The following FKBP9 variants were observed in gnomAD, a reference collection of about 807,000 sequenced individuals.
FKBP9 encodes the protein peptidyl-prolyl cis-trans isomerase FKBP9.
FKBP9 carries 27 observed loss-of-function variants against 55.6 expected under a neutral mutation model. The ratio of observed to expected loss-of-function variants is 0.49; its 90% CI spans 0.36 to 0.67. The LOEUF is 0.67. FKBP9 is among the 30% of genes least tolerant of loss of function. The pLI, the probability that FKBP9 is intolerant of heterozygous loss-of-function variation, is 0.00. For missense variants in FKBP9, 539 were observed against 742.8 expected, an observed-to-expected ratio of 0.73 and a Z score of 3.19; for synonymous variants, 267 against 296.5, an observed-to-expected ratio of 0.90 and a Z score of 1.02.
chr7:32,968,027 T>C lies in FKBP9; in HGVS notation c.222-6590T>C, dbSNP rs534341758. Among the ~76,000 whole-genome samples the C allele has an allele frequency of 3.4e-4, 52 of 152,334 alleles. No homozygotes were observed. In the South Asian group the frequency reaches 0.011, roughly 32 times the overall value. On this transcript the variant is annotated intron_variant, in intron 1 of 9. Coordinates refer to ENST00000242209, the MANE Select transcript of FKBP9 (RefSeq NM_007270.5). ...ACCTCAGCCTCCCAAAGTGTTGGGATTACAGGCGTGAGCCACCGCGCCCAG... is the reference window on the plus strand; with the variant it reads ...ACCTCAGCCTCCCAAAGTGTTGGGACTACAGGCGTGAGCCACCGCGCCCAG...
intron 8 of FKBP9, among the ~76,000 whole-genome samples, chr7:33,001,429 G>A (rs1031061018): frequency 1.3e-5 from 2 of 152,000 alleles, no homozygotes; most frequent in African/African-American, 4.8e-5. Context: ...CAGCTACTTG[G>A]GAGGCTGAGG....
rs373112996 is a variant in FKBP9, at chr7:32,997,152, C to T, written c.1226+803C>T. ...TGGTGCTATCTCGGCTCACTGCAACCTCTGCCTTCCAGGTTCAAGTGATCC... is the reference window on the plus strand; with the variant it reads ...TGGTGCTATCTCGGCTCACTGCAACTTCTGCCTTCCAGGTTCAAGTGATCC... On this transcript the variant is annotated intron_variant, in intron 7 of 9. Transcript: ENST00000242209. Among the ~76,000 whole-genome samples, 39 of 152,144 alleles carry T rather than the reference C, an allele frequency of 2.6e-4. 1 individual carries two copies. The highest frequency in any genetic ancestry group is 9.2e-4 in the African/African-American group (38 of 41,496).
chr7:33,000,080 G>A (rs1209832548), intron 7 of FKBP9, 35 bp from the exon 8 acceptor site: 1 of 1,613,878 alleles, frequency 6.2e-7, no homozygotes, highest in African/African-American at 1.3e-5. Flanking sequence ...CAATGGGTTG[G>A]TGACCTAACA....
intron 1 of FKBP9, among the ~76,000 whole-genome samples, chr7:32,961,875 T>G (rs1225165667): frequency 1.3e-5 from 2 of 152,010 alleles, no homozygotes; most frequent in African/African-American, 4.8e-5. Context: ...GACCATCTAG[T>G]TGCAGGAAAA....
In FKBP9 at chr7:32,999,991, G is replaced by T. The variant is rs1291034012; in HGVS notation, c.1227-124G>T. On this transcript the variant is annotated intron_variant, in intron 7 of 9. Transcript: ENST00000242209. ...TTGTTTTTGTCTGATGTTTCCTCAT[G>T]ATTAGATAGGGATTTGCATTTCTTT... is the stretch of plus-strand genomic sequence containing the variant. 1.1e-5 allele frequency: 11 copies of T among 1,043,804 alleles called. No individual in the cohort carries two copies. In the Admixed American group the frequency reaches 2.1e-4, roughly 20 times the overall value. 64.7% of individuals were successfully genotyped at this position (1,043,804 alleles called of 1,614,324 possible).
At chr7:32,965,832 T>TATATGTGTGTACAC (rs1554284335) in intron 1 of FKBP9, among the ~76,000 whole-genome samples, 2 of 43,492 alleles carry the variant, frequency 4.6e-5, no homozygotes, top group Admixed American at 3.8e-4. Context: ...TATATATATA[T>TATATGTGTGTACAC]ATATATATAT....
At chr7:32,997,429 C>A (rs1476987513) in intron 7 of FKBP9, among the ~76,000 whole-genome samples, 1 of 151,946 alleles carries the variant, frequency 6.6e-6, no homozygotes, top group African/African-American at 2.4e-5. Context: ...GTTGCCCAGG[C>A]TGGTCTCGAA....
At chr7:32,996,723 TTTCC>T (rs1238646231) in intron 7 of FKBP9, among the ~76,000 whole-genome samples, 174 of 140,726 alleles carry the variant, frequency 1.2e-3, no homozygotes, top group African/African-American at 4.3e-3. Context: ...TCTCTCTTTT[TTTCC>T]TTCCTTCCTT....
At position 32,957,808 on chromosome 7, in the gene FKBP9, G is replaced by C. The variant is rs1783931533; in HGVS notation, c.221+14G>C. On this transcript the variant is annotated intron_variant, in intron 1 of 9. Transcript: ENST00000242209. Reference sequence around the variant, plus strand: ...GTTCGACTCCAGGTACCGCGCCCTTGGCGCCCGGCGCGGCCTCAGCGGATG... The same window carrying C: ...GTTCGACTCCAGGTACCGCGCCCTTCGCGCCCGGCGCGGCCTCAGCGGATG... 3 of 1,425,612 alleles carry C rather than the reference G, an allele frequency of 2.1e-6. No homozygotes were observed. The African/African-American group carries it at 4.5e-5, about 21-fold the overall frequency. 88.3% of individuals were successfully genotyped at this position (1,425,612 alleles called of 1,614,324 possible).
rs202192922 is a variant in FKBP9, at chr7:32,974,574, A to G, written c.222-43A>G. The G allele has an allele frequency of 2.4e-4, 371 of 1,576,214 alleles. 1 individual carries two copies. Among genetic ancestry groups the G allele is most frequent in the Non-Finnish European group, 1.0e-4 (116 of 1,149,800 alleles). ...GTTGGTTTTTACTGAGGAAGGGACT[A>G]TTTATACTTTTCTTTCTCTTTCCCT... On this transcript the variant is annotated intron_variant, in intron 1 of 9. Transcript: ENST00000242209.
At chr7:32,982,080 G>A (rs1457010525) in intron 5 of FKBP9, among the ~76,000 whole-genome samples, 7 of 150,042 alleles carry the variant, frequency 4.7e-5, no homozygotes, top group African/African-American at 9.8e-5. Flanking sequence ...CAGTGCAGTG[G>A]CACAATCTTG....
At chr7:32,965,828 T>TATGTGTACACAC (rs1554284329) in intron 1 of FKBP9, among the ~76,000 whole-genome samples, 4 of 35,052 alleles carry the variant, frequency 1.1e-4, no homozygotes, top group African/African-American at 4.2e-4. Flanking sequence ...TATATATATA[T>TATGTGTACACAC]ATATATATAT....
chr7:32,964,891 G>C (rs1333819373), intron 1 of FKBP9, among the ~76,000 whole-genome samples: 1 of 152,188 alleles, frequency 6.6e-6, no homozygotes, highest in African/African-American at 2.4e-5. Flanking sequence ...GCCAGCAGAG[G>C]GGGTGAGTCT....
At chr7:32,994,358 G>A (rs1017431146) in intron 6 of FKBP9, among the ~76,000 whole-genome samples, 1 of 152,184 alleles carries the variant, frequency 6.6e-6, no homozygotes, top group Non-Finnish European at 1.5e-5. Flanking sequence ...GTGGCCTTTT[G>A]TGTCTGGCTT....
intron 6 of FKBP9, among the ~76,000 whole-genome samples, chr7:32,991,391 C>T (rs1784679128): frequency 6.6e-6 from 1 of 152,134 alleles, no homozygotes; most frequent in African/African-American, 2.4e-5. Context: ...TGGAGTCTGC[C>T]TCTGTCCTCT....
At chr7:33,002,879 C>T in intron 9 of FKBP9, 40 bp downstream of exon 9, 2 of 1,598,760 alleles carry the variant, frequency 1.3e-6, no homozygotes, top group Non-Finnish European at 1.7e-6. Context: ...GACCGAAGAG[C>T]TCAGGGAGCC....
At chr7:32,998,948 G>A (rs760678404) in intron 7 of FKBP9, among the ~76,000 whole-genome samples, 7 of 152,220 alleles carry the variant, frequency 4.6e-5, no homozygotes, top group South Asian at 2.1e-4. Flanking sequence ...ATTTTCTTAC[G>A]CTTGCGTGTT....
At position 32,963,556 on chromosome 7, in the gene FKBP9, A is replaced by G. The variant is rs765061717; in HGVS notation, c.221+5762A>G. 27 of 1,144,470 alleles carry G rather than the reference A, an allele frequency of 2.4e-5. No homozygotes were observed. In the South Asian group the frequency reaches 4.6e-4, roughly 20 times the overall value. 70.9% of individuals were successfully genotyped at this position (1,144,470 alleles called of 1,614,324 possible). A position where few individuals can be genotyped will look rare whatever the true frequency, so the allele number is the denominator to read the frequency against. On this transcript the variant is annotated intron_variant, in intron 1 of 9. Transcript: ENST00000242209. ...TCTAACATTCCAGGTACTGGGATAC[A>G]GCGGAGGATAAAGCTGACAAAAGTC...
At chr7:32,984,422 A>G (rs1438126691) in intron 5 of FKBP9, among the ~76,000 whole-genome samples, 1 of 151,760 alleles carries the variant, frequency 6.6e-6, no homozygotes, top group African/African-American at 2.4e-5. Context: ...TGCCCGACTC[A>G]TTTTTTTGTA....
Sources: gnomAD v4.1 joint callset for allele counts (sites outside exome capture counted in the v4.1 genomes callset) on GRCh38, gnomAD v4.1.1 for gene constraint, MANE v1.5 for transcripts, NCBI Gene and HGNC (gene_info 2026-07-23, HGNC 2026-07-21) for gene names.